RANBP2: variants seen among roughly 807,000 people sequenced by gnomAD.
RANBP2 encodes the protein E3 SUMO-protein ligase RanBP2.
In RANBP2, 57 loss-of-function variants were observed where a neutral mutation model predicts 303.6. The ratio of observed to expected loss-of-function variants is 0.19; its 90% CI spans 0.15 to 0.23. The LOEUF is 0.23. Ranked by LOEUF, RANBP2 falls within the 10% of genes least tolerant of loss-of-function variation. The pLI is 1.00. For missense variants in RANBP2, 3,138 were observed against 3,780.8 expected (o/e 0.83, Z 4.46); for synonymous variants, 1,167 against 1,301.5 (o/e 0.90, Z 2.23).
At chr2:108,743,153 T>C (rs1209909848) in intron 7 of RANBP2, among the ~76,000 whole-genome samples, 1 of 152,240 alleles carries the variant, frequency 6.6e-6, no homozygotes, top group Non-Finnish European at 1.5e-5. Context: ...AGAGTCTTGC[T>C]GTGTCACCCG....
At chr2:108,863,061 T>C in the RANBP2 span, among the ~76,000 whole-genome samples, 1 of 152,240 alleles carries the variant, frequency 6.6e-6, no homozygotes, top group African/African-American at 2.4e-5. Context: ...TATTGTTTAG[T>C]TGCAATATTA....
At chr2:109,175,734 A>G in the RANBP2 span, among the ~76,000 whole-genome samples, 1 of 152,256 alleles carries the variant, frequency 6.6e-6, no homozygotes, top group Admixed American at 6.5e-5. Flanking sequence ...AAAATGAAGT[A>G]AGTAACTTTG....
chr2:109,102,670 C>T, the RANBP2 span, among the ~76,000 whole-genome samples: 6 of 152,056 alleles, frequency 3.9e-5, no homozygotes, highest in African/African-American at 1.2e-4. Context: ...TCTGTCAAAA[C>T]GCATCTGGCA....
chr2:109,004,421 G>A, the RANBP2 span, among the ~76,000 whole-genome samples: 2 of 152,352 alleles, frequency 1.3e-5, 1 homozygote, highest in South Asian at 4.1e-4. Flanking sequence ...CAGACTGTAT[G>A]CCACCTCCTG....
chr2:109,134,252 TC>T, the RANBP2 span, among the ~76,000 whole-genome samples: 1 of 152,208 alleles, frequency 6.6e-6, no homozygotes, highest in African/African-American at 2.4e-5. Context: ...ATTCTGTTCC[TC>T]CGCCCTTCTG....
the RANBP2 span, among the ~76,000 whole-genome samples, chr2:109,139,914 G>A: frequency 0.81 from 123,892 of 152,192 alleles, 51,530 homozygotes; most frequent in Non-Finnish European, 0.89. Context: ...CTGGGGCTTA[G>A]TTTGTTCAGG....
At chr2:108,794,590 A>G in the RANBP2 span, 2 of 1,614,110 alleles carry the variant, frequency 1.2e-6, no homozygotes, top group Non-Finnish European at 1.7e-6. Context: ...TGAGTGTTGT[A>G]GTGATGCAGG....
chr2:109,174,989 C>G, the RANBP2 span, among the ~76,000 whole-genome samples: 1 of 152,134 alleles, frequency 6.6e-6, no homozygotes, highest in African/African-American at 2.4e-5. Context: ...TACCTTTTTC[C>G]AAAACAATAT....
the RANBP2 span, among the ~76,000 whole-genome samples, chr2:109,374,800 G>A: frequency 5.9e-5 from 9 of 152,342 alleles, no homozygotes; most frequent in East Asian, 1.4e-3. Flanking sequence ...TGCCCTATGG[G>A]GTTCACCGAG....
At chr2:109,348,633 G>A in the RANBP2 span, among the ~76,000 whole-genome samples, 8 of 152,176 alleles carry the variant, frequency 5.3e-5, no homozygotes, top group South Asian at 4.1e-4. Context: ...CTTTACAGCT[G>A]TCCCAGGTTC....
At chr2:108,805,588 G>A in the RANBP2 span, among the ~76,000 whole-genome samples, 1 of 151,840 alleles carries the variant, frequency 6.6e-6, no homozygotes, top group Non-Finnish European at 1.5e-5. Flanking sequence ...ATAGCTGGGC[G>A]TGATGGCGGG....
chr2:109,244,333 A>G, the RANBP2 span, among the ~76,000 whole-genome samples: 1 of 152,150 alleles, frequency 6.6e-6, no homozygotes, highest in African/African-American at 2.4e-5. Flanking sequence ...AGCAGGTGAG[A>G]AAAGTGACAC....
the RANBP2 span, among the ~76,000 whole-genome samples, chr2:109,678,857 G>C: frequency 1.3e-5 from 2 of 152,186 alleles, no homozygotes; most frequent in African/African-American, 4.8e-5. Context: ...AGAGCCCTTG[G>C]AAGCTCAGCC....
the RANBP2 span, among the ~76,000 whole-genome samples, chr2:109,522,020 C>T: frequency 6.6e-6 from 1 of 152,188 alleles, no homozygotes; most frequent in Non-Finnish European, 1.5e-5. Flanking sequence ...AGCTGTCACT[C>T]CACAACGGCA....
the RANBP2 span, among the ~76,000 whole-genome samples, chr2:109,533,928 C>T: frequency 2.0e-5 from 3 of 152,216 alleles, no homozygotes; most frequent in African/African-American, 4.8e-5. Flanking sequence ...AGCACTGAAA[C>T]TCACACTGCC....
chr2:109,739,832 T>C, the RANBP2 span, among the ~76,000 whole-genome samples: 2 of 151,302 alleles, frequency 1.3e-5, no homozygotes, highest in East Asian at 3.9e-4. Context: ...TTTTTCCTTA[T>C]ACAGTACAAT....
the RANBP2 span, among the ~76,000 whole-genome samples, chr2:109,591,366 C>T: frequency 6.6e-6 from 1 of 152,034 alleles, no homozygotes; most frequent in Non-Finnish European, 1.5e-5. Context: ...GTGTGGTCCC[C>T]ATGATGTAAC....
the RANBP2 span, among the ~76,000 whole-genome samples, chr2:109,655,366 G>A: frequency 6.6e-6 from 1 of 152,266 alleles, no homozygotes; most frequent in South Asian, 2.1e-4. Flanking sequence ...TAGAAAAACT[G>A]GTCCAATCAA....
At chr2:109,436,022 A>C in the RANBP2 span, among the ~76,000 whole-genome samples, 1 of 152,126 alleles carries the variant, frequency 6.6e-6, no homozygotes, top group African/African-American at 2.4e-5. Flanking sequence ...TCCCTGCTAG[A>C]GGTCGTGCCC....
Sources: gnomAD v4.1 joint callset for allele counts (sites outside exome capture counted in the v4.1 genomes callset) on GRCh38, gnomAD v4.1.1 for gene constraint, MANE v1.5 for transcripts, NCBI Gene and HGNC (gene_info 2026-07-23, HGNC 2026-07-21) for gene names.